Variants in TRHDE observed in about 807,000 individuals in gnomAD.
TRHDE encodes the protein thyrotropin releasing hormone degrading enzyme.
TRHDE carries 72 observed loss-of-function variants against 125.7 expected under a neutral mutation model. The ratio of observed to expected loss-of-function variants is 0.57; its 90% CI spans 0.47 to 0.70. The LOEUF is 0.70. Ranked by LOEUF, TRHDE falls within the 30% of genes least tolerant of loss-of-function variation. TRHDE has a pLI of 0.00. For synonymous variants in TRHDE, 509 were observed against 509.1 expected (o/e 1.00, Z 0.00); for missense variants, 1,110 against 1,327.1 (o/e 0.84, Z 2.54).
At chr12:72,304,342 C>T (rs1279612688) in intron 2 of TRHDE, among the ~76,000 whole-genome samples, 1 of 152,042 alleles carries the variant, frequency 6.6e-6, no homozygotes, top group Non-Finnish European at 1.5e-5. Context: ...GGAAATACCA[C>T]CATAAGGTGG....
intron 6 of TRHDE, among the ~76,000 whole-genome samples, chr12:72,517,376 A>G (rs1004179336): frequency 6.6e-5 from 10 of 152,086 alleles, no homozygotes; most frequent in African/African-American, 4.8e-5. Flanking sequence ...GTCTTGGGAG[A>G]GTGCATGTGT....
chr12:72,368,941 A>G (rs534188287), intron 2 of TRHDE, among the ~76,000 whole-genome samples: 1 of 152,202 alleles, frequency 6.6e-6, no homozygotes, highest in Non-Finnish European at 1.5e-5. Flanking sequence ...TTTTTCTGCC[A>G]AGTCCAGATA....
intron 3 of TRHDE, among the ~76,000 whole-genome samples, chr12:72,393,496 G>A (rs1374408548): frequency 6.6e-6 from 1 of 152,252 alleles, no homozygotes; most frequent in Admixed American, 6.5e-5. Context: ...TAAACAAACA[G>A]TGAATCTCAG....
chr12:72,144,837 C>G (rs1055078500), intron 2 of TRHDE, among the ~76,000 whole-genome samples: 4 of 152,150 alleles, frequency 2.6e-5, no homozygotes, highest in Non-Finnish European at 5.9e-5. Context: ...CTGGTGTTCT[C>G]AGCTTGCCCC....
chr12:72,551,782 A>G (rs1300476208), intron 7 of TRHDE, among the ~76,000 whole-genome samples: 3 of 152,080 alleles, frequency 2.0e-5, no homozygotes, highest in Non-Finnish European at 4.4e-5. Context: ...TTTTTGCTCA[A>G]TGTGAAAAAA....
In TRHDE at chr12:72,233,274, A is replaced by G. The variant is rs184216601; in HGVS notation, n.279+127522A>G. On this transcript the variant is annotated intron_variant and non_coding_transcript_variant, in intron 2 of 4. Transcript: ENST00000548156. ...TCTTATGAATCAAGAATTAGGCAAG[A>G]GCAGGAATTCAGAGTAAAATTGGAA... Among the ~76,000 whole-genome samples the G allele has an allele frequency of 1.2e-3, 190 of 152,294 alleles. 1 individual carries two copies. Among genetic ancestry groups the G allele is most frequent in the African/African-American group, 4.4e-3 (181 of 41,556 alleles).
At chr12:72,097,812 C>T (rs1874969275) in intron 1 of TRHDE, among the ~76,000 whole-genome samples, 1 of 151,864 alleles carries the variant, frequency 6.6e-6, no homozygotes, top group African/African-American at 2.4e-5. Flanking sequence ...TGTGGTTTGT[C>T]ACAGATTTCA....
intron 12 of TRHDE, among the ~76,000 whole-genome samples, chr12:72,593,840 T>C (rs1235540939): frequency 6.6e-6 from 1 of 152,234 alleles, no homozygotes; most frequent in Non-Finnish European, 1.5e-5. Context: ...GCAAAGGACA[T>C]GAACTCATCC....
intron 6 of TRHDE, among the ~76,000 whole-genome samples, chr12:72,536,762 C>T (rs1000346214): frequency 2.0e-5 from 3 of 152,024 alleles, no homozygotes; most frequent in African/African-American, 7.2e-5. Flanking sequence ...TTTATGTCTC[C>T]TAGACCATAA....
intron 5 of TRHDE, 73 bp downstream of exon 5, chr12:72,473,253 T>G: frequency 8.8e-7 from 1 of 1,142,576 alleles, no homozygotes; most frequent in Non-Finnish European, 1.3e-6. Context: ...TATACCATCC[T>G]TAGAGATGAC....
intron 2 of TRHDE, among the ~76,000 whole-genome samples, chr12:72,371,885 A>G (rs1394802057): frequency 6.6e-6 from 1 of 152,206 alleles, no homozygotes; most frequent in Non-Finnish European, 1.5e-5. Context: ...AGCATGATTT[A>G]TAGTCCTTTG....
intron 12 of TRHDE, among the ~76,000 whole-genome samples, chr12:72,605,888 G>A (rs2136064151): frequency 6.6e-6 from 1 of 150,716 alleles, no homozygotes; most frequent in South Asian, 2.1e-4. Flanking sequence ...AAGAAATATG[G>A]ATGACTGTTT....
intron 3 of TRHDE, among the ~76,000 whole-genome samples, chr12:72,449,201 A>G (rs1291099030): frequency 1.3e-5 from 2 of 152,056 alleles, no homozygotes; most frequent in East Asian, 3.8e-4. Context: ...TAGCCAAAAA[A>G]TTTATGTTTG....
chr12:72,200,075 G>A (rs1877525165), intron 2 of TRHDE, among the ~76,000 whole-genome samples: 1 of 152,190 alleles, frequency 6.6e-6, no homozygotes, highest in South Asian at 2.1e-4. Context: ...AGAGTTCTAA[G>A]ATATTCCTCA....
chr12:72,183,744 G>C (rs988275521), intron 2 of TRHDE, among the ~76,000 whole-genome samples: 1 of 152,134 alleles, frequency 6.6e-6, no homozygotes, highest in Admixed American at 6.6e-5. Flanking sequence ...GCATACAGAA[G>C]TGGTGCCCAA....
At chr12:72,625,330 G>A (rs564352236) in intron 15 of TRHDE, among the ~76,000 whole-genome samples, 23 of 151,734 alleles carry the variant, frequency 1.5e-4, no homozygotes, top group African/African-American at 5.6e-4. Context: ...AGATAATAAT[G>A]TCCATTCCCT....
intron 12 of TRHDE, among the ~76,000 whole-genome samples, chr12:72,602,317 T>C (rs760206979): frequency 6.6e-6 from 1 of 152,082 alleles, no homozygotes; most frequent in Non-Finnish European, 1.5e-5. Flanking sequence ...AGTAAAGAAC[T>C]ACTGAAAAAT....
chr12:72,247,298 C>T (rs1264915677), intron 2 of TRHDE, among the ~76,000 whole-genome samples: 3 of 152,040 alleles, frequency 2.0e-5, no homozygotes, highest in Non-Finnish European at 4.4e-5. Flanking sequence ...AATTTTTGAC[C>T]TTCTGCATGG....
chr12:72,567,176 A>T (rs1026376981), intron 9 of TRHDE, among the ~76,000 whole-genome samples: 1 of 151,944 alleles, frequency 6.6e-6, no homozygotes, highest in Non-Finnish European at 1.5e-5. Context: ...AAGAGTTTAC[A>T]TGAGTTGTTG....
Sources: gnomAD v4.1 joint callset for allele counts (sites outside exome capture counted in the v4.1 genomes callset) on GRCh38, gnomAD v4.1.1 for gene constraint, MANE v1.5 for transcripts, NCBI Gene and HGNC (gene_info 2026-07-23, HGNC 2026-07-21) for gene names.